Variants in UQCRB observed in about 807,000 individuals in gnomAD.
UQCRB encodes ubiquinol-cytochrome c reductase binding protein.
UQCRB carries 12 observed loss-of-function variants against 19.8 expected under a neutral mutation model. The ratio of observed to expected loss-of-function variants is 0.61; its 90% CI spans 0.39 to 0.98. The LOEUF (loss-of-function observed/expected upper bound fraction) is 0.98, where lower values mean the gene tolerates loss of function less well. UQCRB is among the 50% of genes least tolerant of loss of function. The probability of loss-of-function intolerance (pLI) is 0.00; values close to 1 mark genes in which losing one functional copy is unlikely to be tolerated. For synonymous variants in UQCRB, 39 were observed against 42.9 expected, an observed-to-expected ratio of 0.91 and a Z score of 0.35; for missense variants, 142 against 131.8, an observed-to-expected ratio of 1.08 and a Z score of -0.38.
rs1192964692 is a variant in UQCRB, at chr8:96,225,340, A to G, written c.*5715T>C. 6.6e-6 allele frequency among the ~76,000 whole-genome samples: 1 copy of G among 152,182 alleles called. No individual in the cohort carries two copies. The highest frequency in any genetic ancestry group is 1.9e-4 in the East Asian group (1 of 5,202). ...GTGCAGGCAGGAATGCAATAAAGGG[A>G]CCCTCGTGATTGCTTAGATGAATAT... On this transcript the variant is annotated 3_prime_UTR_variant, in exon 4 of 4. Transcript: ENST00000287022.
In UQCRB at chr8:96,229,844, A is replaced by T. The variant is rs1418496019; in HGVS notation, c.*1211T>A. 1 of 453,964 alleles carries T rather than the reference A, an allele frequency of 2.2e-6. No homozygotes were observed. Among genetic ancestry groups the T allele is most frequent in the Non-Finnish European group, 4.4e-6 (1 of 226,794 alleles). 28.1% of individuals were successfully genotyped at this position (453,964 alleles called of 1,614,324 possible). A position where few individuals can be genotyped will look rare whatever the true frequency, so the allele number is the denominator to read the frequency against. ...TAGCAAAAATTTAAAGATGCTCTTT[A>T]TGATACACACATTTCTCATTGCTTT... On this transcript the variant is annotated 3_prime_UTR_variant, in exon 4 of 4. Coordinates refer to ENST00000287022, the MANE Select transcript of UQCRB (RefSeq NM_006294.5).
chr8:96,233,527 C>T lies in UQCRB; in HGVS notation c.20-300G>A, dbSNP rs115049415. The T allele has an allele frequency of 0.015, 5,509 of 359,422 alleles. 283 individuals are homozygous for T. Among genetic ancestry groups the T allele is most frequent in the African/African-American group, 0.11 (5,131 of 47,284 alleles). The allele number at this position is 359,422 out of a possible 1,614,324, so 22.3% of individuals were successfully genotyped here. On this transcript the variant is annotated intron_variant, in intron 1 of 3. Coordinates refer to ENST00000287022, the MANE Select transcript of UQCRB (RefSeq NM_006294.5). ...AGGGTAAACTCAAACACTGAATGTACAAAAGATCCATAGGTACATCGTGTG... is the reference window on the plus strand; with the variant it reads ...AGGGTAAACTCAAACACTGAATGTATAAAAGATCCATAGGTACATCGTGTG...
At chr8:96,234,862 A>G (rs1282633676) in intron 1 of UQCRB, 9 of 194,354 alleles carry the variant, frequency 4.6e-5, no homozygotes, top group Non-Finnish European at 8.6e-5. Flanking sequence ...AAGAAAGAAA[A>G]AAGAAAAAAA....
Position 96,233,231 on chromosome 8 carries a change from A to G in UQCRB, c.20-4T>C, listed in dbSNP as rs746471254. ...AGCCACTTGCCTGATGCTGAAACTG[A>G]TAATTGTCACACTGTTAATTGCTAC... On this transcript the variant is annotated splice_polypyrimidine_tract_variant and splice_region_variant and intron_variant, in intron 1 of 3. Coordinates refer to ENST00000287022, the MANE Select transcript of UQCRB (RefSeq NM_006294.5). The G allele has an allele frequency of 5.6e-6, 9 of 1,613,508 alleles. No homozygotes were observed. The highest frequency in any genetic ancestry group is 4.4e-5 in the South Asian group (4 of 91,086).
rs147727227 is a variant in UQCRB at position 96,235,295 on chromosome 8, A to C, written c.19+217T>G. On this transcript the variant is annotated intron_variant, in intron 1 of 3. Transcript: ENST00000287022. ...TCAGAGCCACCGCGGGCACCTTCAC[A>C]AACAGCGGGTTAACATCCCAACCCT... The C allele has an allele frequency of 5.8e-4, 386 of 668,014 alleles. 2 individuals are homozygous for C. The African/African-American group carries it at 6.2e-3, about 11-fold the overall frequency. 41.4% of individuals were successfully genotyped at this position (668,014 alleles called of 1,614,324 possible).
rs1290899055 is a variant in UQCRB at position 96,229,611 on chromosome 8, T to C, written c.*1444A>G. ...AAAGGGGGTTCTAGACAGCCCATCT[T>C]CTTGGCCTCCTTCTGCAAAGTAGGA... On this transcript the variant is annotated 3_prime_UTR_variant, in exon 4 of 4. Transcript: ENST00000287022. The C allele has an allele frequency of 1.1e-5, 5 of 453,994 alleles. No homozygotes were observed. The highest frequency in any genetic ancestry group is 2.2e-5 in the Non-Finnish European group (5 of 226,790). The allele number at this position is 453,994 out of a possible 1,614,324, so 28.1% of individuals were successfully genotyped here. A position where few individuals can be genotyped will look rare whatever the true frequency, so the allele number is the denominator to read the frequency against.
rs1471060621 is a variant in UQCRB, at chr8:96,224,608, G to A, written c.*6447C>T. 6.6e-6 allele frequency among the ~76,000 whole-genome samples: 1 copy of A among 152,180 alleles called. No individual in the cohort carries two copies. On this transcript the variant is annotated 3_prime_UTR_variant, in exon 4 of 4. Coordinates refer to ENST00000287022, the MANE Select transcript of UQCRB (RefSeq NM_006294.5). ...CATCACCCTCAACAGACCCGTGTTTGTGGAGCCCCTCCGGACCTCTCTCTT... is the reference window on the plus strand; with the variant it reads ...CATCACCCTCAACAGACCCGTGTTTATGGAGCCCCTCCGGACCTCTCTCTT...
In UQCRB at chr8:96,227,537, T is replaced by G. The variant is rs1371271243; in HGVS notation, c.*3518A>C. ...ATACTGTCCCTCCTAAAATCCATGC[T>G]TCCTCCCATACACCATAAACCCATC... On this transcript the variant is annotated 3_prime_UTR_variant, in exon 4 of 4. Transcript: ENST00000287022. 3 of 454,040 alleles carry G rather than the reference T, an allele frequency of 6.6e-6. No individual in the cohort carries two copies. Among genetic ancestry groups the G allele is most frequent in the Non-Finnish European group, 1.3e-5 (3 of 226,798 alleles). 28.1% of individuals were successfully genotyped at this position (454,040 alleles called of 1,614,324 possible). A position where few individuals can be genotyped will look rare whatever the true frequency, so the allele number is the denominator to read the frequency against.
At chr8:96,232,975 T>C in intron 2 of UQCRB, 181 bp downstream of exon 2, 1 of 610,668 alleles carries the variant, frequency 1.6e-6, no homozygotes, top group Non-Finnish European at 2.8e-6. Context: ...AAAAAAACTT[T>C]AAAAAGGAAC....
rs1328014075 is a variant in UQCRB, at chr8:96,226,347, A to G, written c.*4708T>C. 1.2e-5 allele frequency: 2 copies of G among 161,872 alleles called. No homozygotes were observed. The highest frequency in any genetic ancestry group is 1.8e-4 in the East Asian group (1 of 5,428). 10.0% of individuals were successfully genotyped at this position (161,872 alleles called of 1,614,324 possible). The stretch of plus-strand genomic sequence containing the variant: ...ATTCCATCAGTATTAGTTCATCCCA[A>G]CAATAAAGAGCGTAAGTTAAATCAC... On this transcript the variant is annotated 3_prime_UTR_variant, in exon 4 of 4. Coordinates refer to ENST00000287022, the MANE Select transcript of UQCRB (RefSeq NM_006294.5).
rs776728902 is a variant in UQCRB at position 96,227,936 on chromosome 8, G to A, written c.*3119C>T. 4.8e-5 allele frequency: 22 copies of A among 454,004 alleles called. No individual in the cohort carries two copies. The highest frequency in any genetic ancestry group is 8.4e-5 in the Non-Finnish European group (19 of 226,808). The allele number at this position is 454,004 out of a possible 1,614,324, so 28.1% of individuals were successfully genotyped here. ...AACATTTTGGTACCACTCGTAGAGC[G>A]TCACATAAATATTCAGACCATGATA... On this transcript the variant is annotated 3_prime_UTR_variant, in exon 4 of 4. Transcript: ENST00000287022.
chr8:96,223,231 C>T lies in UQCRB; in HGVS notation c.*7824G>A, dbSNP rs1052050460. Among the ~76,000 whole-genome samples the T allele has an allele frequency of 1.3e-5, 2 of 152,166 alleles. No homozygotes were observed. The highest frequency in any genetic ancestry group is 6.5e-5 in the Admixed American group (1 of 15,272). On this transcript the variant is annotated 3_prime_UTR_variant, in exon 4 of 4. Transcript: ENST00000287022. ...TCGTGGTAATGGATATTTTAATTTG[C>T]TTGCCTGTAGTAATCATTTCACTAT...
intron 1 of UQCRB, chr8:96,235,297 A>G (rs1171135584): frequency 2.5e-5 from 17 of 670,408 alleles, no homozygotes; most frequent in Non-Finnish European, 4.1e-5. Flanking sequence ...ACCTTCACAA[A>G]CAGCGGGTTA....
chr8:96,232,563 C>T (rs1317799601), intron 2 of UQCRB: 2 of 154,808 alleles, frequency 1.3e-5, no homozygotes, highest in Admixed American at 6.4e-5. Context: ...GAAGGCCGGG[C>T]GCAGTAGTGC....
In UQCRB at chr8:96,228,921, T is replaced by C. The variant is rs773259146; in HGVS notation, c.*2134A>G. On this transcript the variant is annotated 3_prime_UTR_variant, in exon 4 of 4. Transcript: ENST00000287022. ...GTGTTTCAGGCACTCTCATGGTGAT[T>C]TTCCACACAGGACGGCTTTTGATAA... The C allele has an allele frequency of 8.8e-6, 4 of 453,976 alleles. No individual in the cohort carries two copies. Among genetic ancestry groups the C allele is most frequent in the Non-Finnish European group, 1.8e-5 (4 of 226,800 alleles). 28.1% of individuals were successfully genotyped at this position (453,976 alleles called of 1,614,324 possible). A position where few individuals can be genotyped will look rare whatever the true frequency, so the allele number is the denominator to read the frequency against.
In UQCRB at chr8:96,228,542, G is replaced by A. The variant is rs1438194358; in HGVS notation, c.*2513C>T. On this transcript the variant is annotated 3_prime_UTR_variant, in exon 4 of 4. Transcript: ENST00000287022. ...GACCTTAGCTACTGGTTAGCTATTC[G>A]ACATTGATGATATTCAGCGTTTTCC... 2.9e-5 allele frequency: 13 copies of A among 453,992 alleles called. No homozygotes were observed. Among genetic ancestry groups the A allele is most frequent in the African/African-American group, 1.8e-4 (9 of 50,010 alleles). 28.1% of individuals were successfully genotyped at this position (453,992 alleles called of 1,614,324 possible).
chr8:96,235,348 C>T, intron 1 of UQCRB, 164 bp downstream of exon 1: 1 of 1,069,698 alleles, frequency 9.3e-7, no homozygotes, highest in South Asian at 1.3e-5. Context: ...CTGGGGACAG[C>T]AAACGAGTGG....
Position 96,227,488 on chromosome 8 carries a change from T to A in UQCRB, c.*3567A>T, listed in dbSNP as rs748876338. On this transcript the variant is annotated 3_prime_UTR_variant, in exon 4 of 4. Transcript: ENST00000287022. Reference sequence around the variant, plus strand: ...TTTTCCAAAGAGCAACCTGTCTTACTCACTTTCTAACCATCCCTCTCTGAT... The same window carrying A: ...TTTTCCAAAGAGCAACCTGTCTTACACACTTTCTAACCATCCCTCTCTGAT... 1 of 454,142 alleles carries A rather than the reference T, an allele frequency of 2.2e-6. No homozygotes were observed. The highest frequency in any genetic ancestry group is 2.3e-5 in the Admixed American group (1 of 42,582). The allele number at this position is 454,142 out of a possible 1,614,324, so 28.1% of individuals were successfully genotyped here.
rs1025318877 is a variant in UQCRB, at chr8:96,229,175, A to G, written c.*1880T>C. 5 of 454,144 alleles carry G rather than the reference A, an allele frequency of 1.1e-5. No individual in the cohort carries two copies. Among genetic ancestry groups the G allele is most frequent in the African/African-American group, 6.0e-5 (3 of 50,144 alleles). The allele number at this position is 454,144 out of a possible 1,614,324, so 28.1% of individuals were successfully genotyped here. A position where few individuals can be genotyped will look rare whatever the true frequency, so the allele number is the denominator to read the frequency against. On this transcript the variant is annotated 3_prime_UTR_variant, in exon 4 of 4. Coordinates refer to ENST00000287022, the MANE Select transcript of UQCRB (RefSeq NM_006294.5). Reference sequence around the variant, plus strand: ...AGTAATCTGGAAACATAGAATAGGCATACACTTTGGCTTTAGGAAGAACTC... The same window carrying G: ...AGTAATCTGGAAACATAGAATAGGCGTACACTTTGGCTTTAGGAAGAACTC...
Sources: allele counts gnomAD v4.1 joint callset (sites outside exome capture counted in the v4.1 genomes callset), GRCh38; gene constraint gnomAD v4.1.1; transcripts MANE v1.5; gene names NCBI Gene and HGNC (gene_info 2026-07-23, HGNC 2026-07-21).